Variants in TMEM232 observed in about 807,000 individuals in gnomAD.
TMEM232 encodes transmembrane protein 232.
TMEM232 carries 80 observed loss-of-function variants against 78.8 expected under a neutral mutation model. The observed-to-expected ratio is 1.01, with a 90% CI of 0.85 to 1.22. The LOEUF is 1.22. TMEM232 is among the 50% of genes most tolerant of loss of function. The probability of loss-of-function intolerance (pLI) is 0.00; values close to 1 mark genes in which losing one functional copy is unlikely to be tolerated. For missense variants in TMEM232, 881 were observed against 742.2 expected (o/e 1.19, Z -2.17); for synonymous variants, 297 against 254.3 (o/e 1.17, Z -1.60).
chr5:110,693,797 G>C (rs1561526960), intron 1 of TMEM232, among the ~76,000 whole-genome samples: 1 of 152,122 alleles, frequency 6.6e-6, no homozygotes. Flanking sequence ...AGAAATATGG[G>C]ACTATGTGAA....
At chr5:110,681,473 G>C (rs1201121864) in intron 1 of TMEM232, among the ~76,000 whole-genome samples, 1 of 152,190 alleles carries the variant, frequency 6.6e-6, no homozygotes, top group Non-Finnish European at 1.5e-5. Flanking sequence ...TCTAAGCAGA[G>C]TTGCCTGAGG....
intron 1 of TMEM232, among the ~76,000 whole-genome samples, chr5:110,721,585 A>C (rs947674988): frequency 6.9e-6 from 1 of 145,840 alleles, no homozygotes; most frequent in Non-Finnish European, 1.5e-5. Context: ...AGAATTTTGA[A>C]TTTCAAGCTA....
At chr5:110,710,857 G>A (rs1796401354) in intron 1 of TMEM232, among the ~76,000 whole-genome samples, 1 of 152,166 alleles carries the variant, frequency 6.6e-6, no homozygotes, top group Non-Finnish European at 1.5e-5. Flanking sequence ...TCTGGGACAT[G>A]ACAAGGATGC....
At chr5:110,610,228 GAAAAAGAAAGGA>G (rs1782030306) in intron 8 of TMEM232, among the ~76,000 whole-genome samples, 1 of 7,368 alleles carries the variant, frequency 1.4e-4, no homozygotes, top group African/African-American at 2.6e-4. Flanking sequence ...GGGAGGGAGG[GAAAAAGAAAGGA>G]AGGAAGGGAG....
intron 12 of TMEM232, among the ~76,000 whole-genome samples, chr5:110,481,710 G>C (rs956924252): frequency 6.6e-6 from 1 of 152,170 alleles, no homozygotes; most frequent in Admixed American, 6.6e-5. Flanking sequence ...AGCACTTAGA[G>C]CTAGTGTTTG....
At chr5:110,579,128 ATGATTGTAAGACTACC>A (rs1777884056) in intron 10 of TMEM232, among the ~76,000 whole-genome samples, 1 of 151,752 alleles carries the variant, frequency 6.6e-6, no homozygotes, top group African/African-American at 2.4e-5. Context: ...TGTCAAGGGG[ATGATTGTAAGACTACC>A]CAAAGATTTT....
At chr5:110,437,390 A>G (rs1758556371) in intron 12 of TMEM232, among the ~76,000 whole-genome samples, 2 of 152,050 alleles carry the variant, frequency 1.3e-5, no homozygotes, top group African/African-American at 4.8e-5. Flanking sequence ...AAAAAATACA[A>G]TTTTAAAGAT....
chr5:110,590,148 C>T (rs1779326352), intron 10 of TMEM232, among the ~76,000 whole-genome samples: 2 of 152,044 alleles, frequency 1.3e-5, no homozygotes, highest in Admixed American at 1.3e-4. Context: ...AAAAAACCAC[C>T]ACTCAGCACT....
At chr5:110,728,492 T>A (rs1044527530), upstream of TMEM232, among the ~76,000 whole-genome samples, 5 of 151,714 alleles carry the variant, frequency 3.3e-5, no homozygotes, top group African/African-American at 1.2e-4. Context: ...GAAATAATTT[T>A]AAATAATTTT....
At chr5:110,737,171 T>A (rs1324938644) in intron 1 of TMEM232, among the ~76,000 whole-genome samples, 7 of 152,204 alleles carry the variant, frequency 4.6e-5, no homozygotes, top group Non-Finnish European at 8.8e-5. Context: ...GGCTTATTTA[T>A]CATTCTATCC....
intron 10 of TMEM232, among the ~76,000 whole-genome samples, chr5:110,593,692 G>A (rs1244089755): frequency 6.6e-6 from 1 of 152,078 alleles, no homozygotes; most frequent in Non-Finnish European, 1.5e-5. Flanking sequence ...GGGTGATGAG[G>A]AGGAAATAGG....
intron 12 of TMEM232, among the ~76,000 whole-genome samples, chr5:110,494,173 C>T (rs1765410348): frequency 6.6e-6 from 1 of 151,968 alleles, no homozygotes; most frequent in Non-Finnish European, 1.5e-5. Flanking sequence ...CATTGATGGG[C>T]ATTGTGCCAA....
chr5:110,505,138 T>TC (rs1287835326), intron 12 of TMEM232, among the ~76,000 whole-genome samples: 6 of 152,214 alleles, frequency 3.9e-5, no homozygotes, highest in Non-Finnish European at 1.5e-5. Context: ...TAACTCTGAT[T>TC]CCCAGCTCCC....
intron 10 of TMEM232, among the ~76,000 whole-genome samples, chr5:110,597,546 G>A (rs1005794285): frequency 2.6e-5 from 4 of 151,446 alleles, no homozygotes; most frequent in African/African-American, 7.3e-5. Context: ...AAAAGAGCCC[G>A]CATCGCCAAG....
At chr5:110,666,387 T>C (rs1255308370) in intron 2 of TMEM232, among the ~76,000 whole-genome samples, 1 of 152,232 alleles carries the variant, frequency 6.6e-6, no homozygotes, top group Non-Finnish European at 1.5e-5. Flanking sequence ...ATTGACTTGG[T>C]CATTCTATTA....
intron 11 of TMEM232, among the ~76,000 whole-genome samples, chr5:110,557,636 A>C (rs981776860): frequency 2.6e-5 from 4 of 152,190 alleles, no homozygotes; most frequent in Non-Finnish European, 4.4e-5. Flanking sequence ...TATATCTTAC[A>C]TGGCTGGAGA....
At chr5:110,732,882 G>C (rs1353677238) in intron 2 of TMEM232, among the ~76,000 whole-genome samples, 1 of 152,136 alleles carries the variant, frequency 6.6e-6, no homozygotes, top group African/African-American at 2.4e-5. Context: ...AGAGAAAACA[G>C]ACAACATACA....
At chr5:110,680,974 G>A (rs1211621212) in intron 1 of TMEM232, among the ~76,000 whole-genome samples, 1 of 151,772 alleles carries the variant, frequency 6.6e-6, no homozygotes, top group Non-Finnish European at 1.5e-5. Flanking sequence ...AAAGAGAGAG[G>A]GAAAAGAGAA....
chr5:110,619,804 G>A (rs1014372440), intron 7 of TMEM232, among the ~76,000 whole-genome samples: 6 of 151,956 alleles, frequency 3.9e-5, no homozygotes, highest in African/African-American at 1.2e-4. Flanking sequence ...GAATAAATAG[G>A]TAAATAAATA....
Sources: allele counts gnomAD v4.1 joint callset (sites outside exome capture counted in the v4.1 genomes callset), GRCh38; gene constraint gnomAD v4.1.1; transcripts MANE v1.5; gene names NCBI Gene and HGNC (gene_info 2026-07-23, HGNC 2026-07-21).